ANO9: variants seen among roughly 807,000 people sequenced by gnomAD.
ANO9 encodes anoctamin-9.
ANO9 carries 80 observed loss-of-function variants against 100.5 expected under a neutral mutation model. That is an observed-to-expected ratio of 0.80 (90% CI 0.66 to 0.96). The LOEUF (loss-of-function observed/expected upper bound fraction) is 0.96, where lower values mean the gene tolerates loss of function less well. Ranked by LOEUF, ANO9 falls within the 40% of genes least tolerant of loss-of-function variation. The pLI is 0.00. For synonymous variants in ANO9, 473 were observed against 435.6 expected, an observed-to-expected ratio of 1.09 and a Z score of -1.07; for missense variants, 1,064 against 1,072.7, an observed-to-expected ratio of 0.99 and a Z score of 0.11.
chr11:436,521 A>G (rs1590527933), intron 1 of ANO9, among the ~76,000 whole-genome samples: 1 of 151,462 alleles, frequency 6.6e-6, no homozygotes, highest in Non-Finnish European at 1.5e-5. Context: ...AATGCATCCA[A>G]CCAACCACAG....
In ANO9 at chr11:433,519, A is replaced by G. The variant is rs1307923310; in HGVS notation, c.205-60T>C. 6.2e-5 allele frequency: 98 copies of G among 1,592,234 alleles called. 1 individual carries two copies. The highest frequency in any genetic ancestry group is 8.0e-5 in the Non-Finnish European group (93 of 1,168,374). On this transcript the variant is annotated intron_variant, in intron 3 of 22. Transcript: ENST00000332826. ...AACCCTCCCCGCTCTATCCCGCCTC[A>G]GAACCCTCCCCCCTCTATTCCACCT...
At position 429,913 on chromosome 11, in the gene ANO9, G is replaced by A. The variant is rs911040752; in HGVS notation, c.772-95C>T. On this transcript the variant is annotated intron_variant, in intron 9 of 22. Transcript: ENST00000332826. ...GGAGGCAGGAAAGCCGGGGAAGGGG[G>A]CAGGTGGGCTGAGGAAATGGGCGGG... 1.7e-5 allele frequency: 21 copies of A among 1,236,056 alleles called. No individual in the cohort carries two copies. The African/African-American group carries it at 2.3e-4, about 13-fold the overall frequency. The allele number at this position is 1,236,056 out of a possible 1,614,324, so 76.6% of individuals were successfully genotyped here.
intron 15 of ANO9, among the ~76,000 whole-genome samples, chr11:427,852 G>T (rs185444830): frequency 2.0e-5 from 3 of 150,700 alleles, no homozygotes; most frequent in Non-Finnish European, 4.4e-5. Flanking sequence ...GCTGTTATGC[G>T]CCTGCAAATG....
chr11:428,194 G>A lies in ANO9; in HGVS notation c.1228C>T (p.Pro410Ser), dbSNP rs1814109756. ...VALKLCDFEM[P>S]RTFSERESRF... ...CTCTCTCGCTCCGAGAAGGTCCTGG[G>A]CATCTCTGGAATGGGACCGGCCCTC... The change falls in exon 15 of 23, where the codon CCC becomes TCC. Residue 410 changes from proline (P) to serine (S), a missense_variant. By Grantham distance (74) the Pro-to-Ser change is moderately conservative (BLOSUM62 -1). Transcript: ENST00000332826. The A allele has an allele frequency of 6.2e-7, 1 of 1,612,104 alleles. No individual in the cohort carries two copies. The highest frequency in any genetic ancestry group is 1.1e-5 in the South Asian group (1 of 90,984).
chr11:424,534 G>A (rs1848382991), intron 15 of ANO9, among the ~76,000 whole-genome samples: 1 of 152,242 alleles, frequency 6.6e-6, no homozygotes, highest in Non-Finnish European at 1.5e-5. Context: ...TAGAATGTGT[G>A]AGTGGGCAAT....
intron 11 of ANO9, 69 bp from the exon 12 acceptor site, chr11:428,895 GAC>G (rs1403159919): frequency 6.9e-6 from 10 of 1,454,300 alleles, no homozygotes; most frequent in Non-Finnish European, 8.6e-6. Flanking sequence ...CAGACACAGA[GAC>G]ACACCTCACG....
At position 418,603 on chromosome 11, in the gene ANO9, A is replaced by G. The variant is rs369766806; in HGVS notation, c.2131-14T>C. On this transcript the variant is annotated splice_polypyrimidine_tract_variant and intron_variant, in intron 22 of 22. Transcript: ENST00000332826. Reference sequence around the variant, plus strand: ...CAAGGCCACGTGCTAGCGGCAGCACAGGAGAGGCCCAGCACGGTCAGGTGC... The same window carrying G: ...CAAGGCCACGTGCTAGCGGCAGCACGGGAGAGGCCCAGCACGGTCAGGTGC... The G allele has an allele frequency of 1.2e-5, 20 of 1,612,730 alleles. No homozygotes were observed. The highest frequency in any genetic ancestry group is 1.7e-5 in the Non-Finnish European group (20 of 1,179,902).
Position 419,622 on chromosome 11 carries a change from G to A in ANO9, c.1894C>T (p.Arg632Cys), listed in dbSNP as rs767484733. The A allele has an allele frequency of 4.0e-5, 65 of 1,613,524 alleles. No homozygotes were observed. Among genetic ancestry groups the A allele is most frequent in the Non-Finnish European group, 5.1e-5 (60 of 1,179,880 alleles). The change falls in exon 20 of 23, where the codon CGC becomes TGC. Residue 632 changes from arginine (R) to cysteine (C), a missense_variant. Physicochemically the swap from Arg to Cys is radical, Grantham distance 180. Transcript: ENST00000332826. ...CCTTCTTTCAGGCATGGGCTATAGC[G>A]GTACTTGTAGACCACTCGGGGGATG... Reference protein sequence around the residue: ...EFIPRVVYKYRYSPCLKEGNS... With the variant: ...EFIPRVVYKYCYSPCLKEGNS...
chr11:420,180 C>G (rs2133677021), intron 19 of ANO9: 1 of 1,386,346 alleles, frequency 7.2e-7, no homozygotes, highest in African/African-American at 1.5e-5. Context: ...TCTGTTCCAG[C>G]CCCAGCCACT....
Position 420,465 on chromosome 11 carries a change from A to T in ANO9, c.1784T>A (p.Ile595Asn), listed in dbSNP as rs997385451. ...RRLVPRKAKDIGTWLQVLETI... is the reference protein window; with the variant it reads ...RRLVPRKAKDNGTWLQVLETI... ...ATCCTGCGCCCGCCCGGTCTGACCG[A>T]TGTCCTTGGCCTTGCGCGGCACCAG... Residue 595 changes from isoleucine (I) to asparagine (N), a missense_variant and splice_region_variant, in exon 19 of 23, where the codon ATC becomes AAC. Ile to Asn is a moderately radical substitution (Grantham distance 149). Coordinates refer to ENST00000332826, the MANE Select transcript of ANO9 (RefSeq NM_001012302.3). 6.2e-7 allele frequency: 1 copy of T among 1,601,964 alleles called. No homozygotes were observed. The highest frequency in any genetic ancestry group is 8.5e-7 in the Non-Finnish European group (1 of 1,179,366).
intron 14 of ANO9, 38 bp from the exon 15 acceptor site, chr11:428,237 T>C (rs765777499): frequency 4.4e-6 from 7 of 1,606,658 alleles, no homozygotes; most frequent in Admixed American, 3.3e-5. Flanking sequence ...TCCCTGCTCA[T>C]AGGAGAGGCC....
chr11:421,340 C>G lies in ANO9; in HGVS notation c.1335-142G>C. ...GGTGAGCGGGGCACAGGTGCTCACACCCAGATGAACCGCACCCGCACGTGG... is the reference window on the plus strand; with the variant it reads ...GGTGAGCGGGGCACAGGTGCTCACAGCCAGATGAACCGCACCCGCACGTGG... On this transcript the variant is annotated intron_variant, in intron 15 of 22. Transcript: ENST00000332826. This position sits in a 1 kb window ranked among gnomAD's most constrained non-coding sequence, Gnocchi z 6.8. 1 of 788,156 alleles carries G rather than the reference C, an allele frequency of 1.3e-6. No individual in the cohort carries two copies. Among genetic ancestry groups the G allele is most frequent in the Non-Finnish European group, 1.9e-6 (1 of 523,078 alleles). 48.8% of individuals were successfully genotyped at this position (788,156 alleles called of 1,614,324 possible). A position where few individuals can be genotyped will look rare whatever the true frequency, so the allele number is the denominator to read the frequency against.
Position 418,311 on chromosome 11 carries a change from T to A in ANO9, c.*60A>T. The A allele has an allele frequency of 6.9e-7, 1 of 1,455,044 alleles. No individual in the cohort carries two copies. Among genetic ancestry groups the A allele is most frequent in the Non-Finnish European group, 9.2e-7 (1 of 1,086,486 alleles). 90.1% of individuals were successfully genotyped at this position (1,455,044 alleles called of 1,614,324 possible). The stretch of plus-strand genomic sequence containing the variant: ...CTCAACACGCACAGCGGTGGGCTTG[T>A]GGGAGGTGCTGGTGGTGGCACTGTC... On this transcript the variant is annotated 3_prime_UTR_variant, in exon 23 of 23. Coordinates refer to ENST00000332826, the MANE Select transcript of ANO9 (RefSeq NM_001012302.3).
intron 15 of ANO9, among the ~76,000 whole-genome samples, chr11:423,968 G>GTGCGATTTCAGTTCAC (rs1445194422): frequency 5.9e-5 from 9 of 151,810 alleles, no homozygotes; most frequent in Non-Finnish European, 1.2e-4. Flanking sequence ...GAGCGCAATG[G>GTGCGATTTCAGTTCAC]TGCGATTTCA....
In ANO9 at chr11:431,736, C is replaced by A. The variant is rs372316223; in HGVS notation, c.497G>T (p.Arg166Leu). The part of the protein sequence containing the change: ...GEGRLKKTWA[R>L]WRHMFREQPV... ...CTGCTCCCGGAACATGTGTCTCCACCGCGCCCACGTCTTCTTCAGGCGTCC... is the reference window on the plus strand; with the variant it reads ...CTGCTCCCGGAACATGTGTCTCCACAGCGCCCACGTCTTCTTCAGGCGTCC... The change falls in exon 7 of 23, where the codon CGG becomes CTG. Residue 166 changes from arginine (R) to leucine (L), a missense_variant. By Grantham distance (102) the Arg-to-Leu change is moderately radical (BLOSUM62 -2). Transcript: ENST00000332826. 1 of 1,612,498 alleles carries A rather than the reference C, an allele frequency of 6.2e-7. No homozygotes were observed. The highest frequency in any genetic ancestry group is 8.5e-7 in the Non-Finnish European group (1 of 1,179,572).
rs139551908 is a variant in ANO9, at chr11:441,968, G to C, written c.-42C>G. The C allele has an allele frequency of 5.0e-4, 798 of 1,600,030 alleles. 11 individuals carry two copies. In the African/African-American group the frequency reaches 9.1e-3, roughly 18 times the overall value. On this transcript the variant is annotated 5_prime_UTR_variant, in exon 1 of 23. Coordinates refer to ENST00000332826, the MANE Select transcript of ANO9 (RefSeq NM_001012302.3). Reference sequence around the variant, plus strand: ...GTTCCAGCTGGGGTTTGGCGGCCAGGAGAGTGGCTGCCAGCGGCGGGTGCT... The same window carrying C: ...GTTCCAGCTGGGGTTTGGCGGCCAGCAGAGTGGCTGCCAGCGGCGGGTGCT...
intron 19 of ANO9, chr11:420,157 A>T: frequency 1.5e-6 from 2 of 1,360,226 alleles, no homozygotes; most frequent in Non-Finnish European, 1.9e-6. Flanking sequence ...GTCTTGGGAC[A>T]GAGGCCGGCT....
At chr11:434,309 G>A (rs895620620) in intron 1 of ANO9, among the ~76,000 whole-genome samples, 2 of 152,198 alleles carry the variant, frequency 1.3e-5, no homozygotes, top group Non-Finnish European at 2.9e-5. Context: ...AAACAGAAGC[G>A]CGTGAGGGGC....
chr11:434,369 G>T (rs528211718), intron 1 of ANO9, among the ~76,000 whole-genome samples: 90 of 152,314 alleles, frequency 5.9e-4, no homozygotes, highest in Non-Finnish European at 8.5e-4. Flanking sequence ...CAACGGGATT[G>T]CACAGAAGAG....
Sources: gnomAD v4.1 joint callset for allele counts (sites outside exome capture counted in the v4.1 genomes callset) on GRCh38, gnomAD v4.1.1 for gene constraint, Gnocchi (gnomAD v3.1) non-coding constraint, MANE v1.5 for transcripts, NCBI Gene and HGNC (gene_info 2026-07-23, HGNC 2026-07-21) for gene names.